NFIA: variants seen among roughly 807,000 people sequenced by gnomAD.
The protein encoded by NFIA is nuclear factor I A, also known as nuclear factor 1 A-type.
In NFIA, 8 loss-of-function variants were observed where a neutral mutation model predicts 62.8. That is an observed-to-expected ratio of 0.13 (90% confidence interval 0.07 to 0.23). The LOEUF (loss-of-function observed/expected upper bound fraction) is 0.23, where lower values mean the gene tolerates loss of function less well. Ranked by LOEUF, NFIA falls within the 10% of genes least tolerant of loss-of-function variation. NFIA has a pLI of 1.00. For synonymous variants in NFIA, 235 were observed against 238.1 expected (o/e 0.99, Z 0.12); for missense variants, 410 against 642.1 (o/e 0.64, Z 3.91).
intron 5 of NFIA, among the ~76,000 whole-genome samples, chr1:61,355,189 C>G (rs1662774650): frequency 6.6e-6 from 1 of 152,138 alleles, no homozygotes; most frequent in Admixed American, 6.5e-5. Flanking sequence ...TGCATCACTC[C>G]TTAGGAGAAT....
intron 3 of NFIA, among the ~76,000 whole-genome samples, chr1:61,304,614 G>A (rs1221199574): frequency 6.6e-6 from 1 of 152,070 alleles, no homozygotes; most frequent in Non-Finnish European, 1.5e-5. Context: ...GATGGTCCAT[G>A]GAAGAGAAAC....
At chr1:61,256,790 T>G (rs1349756053) in intron 2 of NFIA, among the ~76,000 whole-genome samples, 2 of 152,148 alleles carry the variant, frequency 1.3e-5, no homozygotes, top group Admixed American at 6.5e-5. Context: ...CAGTAAATGA[T>G]CCTTGTATCA....
intron 2 of NFIA, among the ~76,000 whole-genome samples, chr1:61,247,662 TG>T (rs1371949854): frequency 1.3e-5 from 2 of 152,174 alleles, no homozygotes. Flanking sequence ...TGCTGACATC[TG>T]GTCACCACTC....
At chr1:61,276,021 C>T (rs1434165177) in intron 2 of NFIA, among the ~76,000 whole-genome samples, 1 of 151,946 alleles carries the variant, frequency 6.6e-6, no homozygotes. Context: ...TATAATAATA[C>T]ATTTTGTTTG....
chr1:61,255,782 C>G (rs1442722927), intron 2 of NFIA, among the ~76,000 whole-genome samples: 1 of 152,122 alleles, frequency 6.6e-6, no homozygotes, highest in Non-Finnish European at 1.5e-5. Context: ...TGGCACCTCA[C>G]ACGGGATCAT....
At chr1:61,203,167 G>A (rs1428920089) in intron 2 of NFIA, among the ~76,000 whole-genome samples, 2 of 152,060 alleles carry the variant, frequency 1.3e-5, no homozygotes, top group African/African-American at 2.4e-5. Context: ...GAGTCCCGTT[G>A]GTGTCTATGG....
At chr1:61,078,895 T>C (rs970037436), upstream of NFIA, among the ~76,000 whole-genome samples, 5 of 152,212 alleles carry the variant, frequency 3.3e-5, no homozygotes, top group Admixed American at 6.5e-5. Flanking sequence ...CCAACTGCAG[T>C]AGCTTGTCTT....
intron 9 of NFIA, among the ~76,000 whole-genome samples, chr1:61,408,500 G>T (rs559741512): frequency 6.6e-6 from 1 of 152,314 alleles, no homozygotes; most frequent in Admixed American, 6.5e-5. Flanking sequence ...CCCTGTCCAT[G>T]CCTCTGCATA....
chr1:61,293,831 T>G (rs2100314504), intron 3 of NFIA, among the ~76,000 whole-genome samples: 1 of 152,324 alleles, frequency 6.6e-6, no homozygotes, highest in East Asian at 1.9e-4. Context: ...GTCCTTGCTT[T>G]GAGAATGACA....
intron 2 of NFIA, among the ~76,000 whole-genome samples, chr1:61,164,608 C>T (rs1158495356): frequency 3.3e-5 from 5 of 151,976 alleles, no homozygotes; most frequent in Admixed American, 2.0e-4. Flanking sequence ...TACAGCCGCC[C>T]GCCGCCACGC....
chr1:61,396,212 T>G (rs897315868), intron 7 of NFIA, among the ~76,000 whole-genome samples: 19 of 152,190 alleles, frequency 1.2e-4, no homozygotes, highest in Admixed American at 3.9e-4. Context: ...CTAGATCTTC[T>G]GAAAAGCATT....
At chr1:61,200,730 A>T (rs1321598250) in intron 2 of NFIA, among the ~76,000 whole-genome samples, 1 of 152,230 alleles carries the variant, frequency 6.6e-6, no homozygotes, top group African/African-American at 2.4e-5. Context: ...TTAAATGTGT[A>T]TTCATCCCCA....
At chr1:61,147,603 C>T (rs961475343) in intron 2 of NFIA, among the ~76,000 whole-genome samples, 9 of 152,118 alleles carry the variant, frequency 5.9e-5, no homozygotes, top group African/African-American at 1.9e-4. Context: ...TGGAAAAATA[C>T]GGTCATTGTT....
chr1:61,398,104 C>T (rs1665372639), intron 7 of NFIA, among the ~76,000 whole-genome samples: 1 of 152,192 alleles, frequency 6.6e-6, no homozygotes, highest in Non-Finnish European at 1.5e-5. Context: ...TCCAATAGCC[C>T]TTTGCCTGTA....
chr1:61,387,353 G>C (rs563028389), intron 7 of NFIA, among the ~76,000 whole-genome samples: 4 of 152,104 alleles, frequency 2.6e-5, no homozygotes, highest in Admixed American at 6.6e-5. Flanking sequence ...CAGTATGCAC[G>C]TGGGTCATAC....
At chr1:61,183,458 G>C (rs190538552) in intron 2 of NFIA, among the ~76,000 whole-genome samples, 2 of 152,296 alleles carry the variant, frequency 1.3e-5, no homozygotes, top group African/African-American at 2.4e-5. Flanking sequence ...TTCGTCTTGC[G>C]TTAACTGTGG....
upstream of NFIA, chr1:61,082,392 G>A: frequency 2.5e-6 from 2 of 812,548 alleles, no homozygotes; most frequent in Non-Finnish European, 3.0e-6. Flanking sequence ...CGGCGGCGGC[G>A]CGAGCGGGCG....
At chr1:61,318,329 C>A (rs1660480637) in intron 3 of NFIA, among the ~76,000 whole-genome samples, 1 of 152,014 alleles carries the variant, frequency 6.6e-6, no homozygotes, top group Non-Finnish European at 1.5e-5. Flanking sequence ...AGAATGGACC[C>A]CGGCATGTTG....
At chr1:61,414,480 G>A (rs1429548958) in intron 9 of NFIA, among the ~76,000 whole-genome samples, 1 of 151,942 alleles carries the variant, frequency 6.6e-6, no homozygotes, top group Admixed American at 6.6e-5. Context: ...CATAGGCTTG[G>A]CTGTAGCATG....
Sources: allele counts gnomAD v4.1 joint callset (sites outside exome capture counted in the v4.1 genomes callset), GRCh38; gene constraint gnomAD v4.1.1; transcripts MANE v1.5; gene names NCBI Gene and HGNC (gene_info 2026-07-23, HGNC 2026-07-21).